The following DCT variants were observed in gnomAD, a reference collection of about 807,000 sequenced individuals.
The protein encoded by DCT is L-dopachrome tautomerase.
In DCT, 47 loss-of-function variants were observed where a neutral mutation model predicts 53.0. The observed-to-expected ratio is 0.89, with a 90% CI of 0.70 to 1.13. DCT has a LOEUF of 1.13. Ranked by LOEUF, DCT falls within the 50% of genes most tolerant of loss-of-function variation. DCT has a pLI of 0.00. For missense variants in DCT, 669 were observed against 637.4 expected, an observed-to-expected ratio of 1.05 and a Z score of -0.53; for synonymous variants, 244 against 237.0, an observed-to-expected ratio of 1.03 and a Z score of -0.27.
At chr13:94,445,146 A>C (rs1882635504) in intron 6 of DCT, among the ~76,000 whole-genome samples, 1 of 152,220 alleles carries the variant, frequency 6.6e-6, no homozygotes, top group African/African-American at 2.4e-5. Context: ...ATATTTTCCA[A>C]AGAAGGCCAC....
chr13:94,445,970 T>A (rs1882701063), intron 6 of DCT, among the ~76,000 whole-genome samples: 2 of 152,164 alleles, frequency 1.3e-5, no homozygotes, highest in African/African-American at 4.8e-5. Context: ...TGGCCCCCTC[T>A]GGGTTCCAGG....
chr13:94,507,741 C>T, the DCT span, among the ~76,000 whole-genome samples: 9 of 152,236 alleles, frequency 5.9e-5, no homozygotes, highest in Admixed American at 3.3e-4. Flanking sequence ...ACCTCGTGAT[C>T]CACCTGCCTC....
chr13:94,547,993 A>ATATATATATATATC, the DCT span, among the ~76,000 whole-genome samples: 1 of 138,060 alleles, frequency 7.2e-6, no homozygotes, highest in African/African-American at 2.8e-5. Flanking sequence ...AAATATATAT[A>ATATATATATATATC]TATATATATA....
Position 94,439,865 on chromosome 13 carries a change from C to T in DCT, c.*33G>A, listed in dbSNP as rs1882152185. On this transcript the variant is annotated 3_prime_UTR_variant, in exon 8 of 8. Coordinates refer to ENST00000377028, the MANE Select transcript of DCT (RefSeq NM_001922.5). ...TGTCAGCGTCAGAACTGTGGCTTGG[C>T]CAGCCTCTTCTCTTAGGTAAGGCAT... 6.4e-7 allele frequency: 1 copy of T among 1,568,014 alleles called. No homozygotes were observed.
chr13:94,456,529 T>G (rs889012694), intron 6 of DCT, among the ~76,000 whole-genome samples: 1 of 152,224 alleles, frequency 6.6e-6, no homozygotes, highest in Non-Finnish European at 1.5e-5. Flanking sequence ...TAATTAAGGT[T>G]TGAAAATCTA....
the DCT span, among the ~76,000 whole-genome samples, chr13:94,531,220 G>A: frequency 6.6e-6 from 1 of 152,164 alleles, no homozygotes; most frequent in Non-Finnish European, 1.5e-5. Flanking sequence ...ATTGCCCAAG[G>A]TAATTTATAG....
intron 4 of DCT, among the ~76,000 whole-genome samples, chr13:94,462,851 T>C (rs1883903916): frequency 6.6e-6 from 1 of 152,238 alleles, no homozygotes; most frequent in Non-Finnish European, 1.5e-5. Context: ...CGTATTATGC[T>C]GAGCTAAGCC....
At chr13:94,498,075 C>T in the DCT span, among the ~76,000 whole-genome samples, 2 of 152,218 alleles carry the variant, frequency 1.3e-5, no homozygotes, top group South Asian at 4.1e-4. Flanking sequence ...AACAGCCAGA[C>T]AGAATCCTAA....
At chr13:94,518,142 GA>G in the DCT span, among the ~76,000 whole-genome samples, 1 of 144,654 alleles carries the variant, frequency 6.9e-6, no homozygotes, top group South Asian at 2.2e-4. Context: ...AGGAAGGAAG[GA>G]AGGAAGGAAG....
chr13:94,447,918 T>C (rs1882835051), intron 6 of DCT, among the ~76,000 whole-genome samples: 1 of 152,120 alleles, frequency 6.6e-6, no homozygotes, highest in South Asian at 2.1e-4. Flanking sequence ...GGAATTGAAA[T>C]TGTAGCTCTC....
chr13:94,459,611 C>T (rs914369133), intron 6 of DCT, among the ~76,000 whole-genome samples: 2 of 152,160 alleles, frequency 1.3e-5, no homozygotes, highest in Non-Finnish European at 2.9e-5. Context: ...ACCAGGCCAG[C>T]TCTTGGATGT....
At chr13:94,535,376 T>C in the DCT span, among the ~76,000 whole-genome samples, 1 of 152,180 alleles carries the variant, frequency 6.6e-6, no homozygotes, top group African/African-American at 2.4e-5. Flanking sequence ...ATTATTGCTG[T>C]AAGTATCAGG....
intron 1 of DCT, among the ~76,000 whole-genome samples, chr13:94,477,148 T>G (rs1885141908): frequency 6.6e-6 from 1 of 152,098 alleles, no homozygotes; most frequent in Non-Finnish European, 1.5e-5. Context: ...CAGGCTGGAG[T>G]GCAGTGGTGT....
upstream of DCT, among the ~76,000 whole-genome samples, chr13:94,481,260 CCAGA>C (rs764516119): frequency 1.3e-5 from 2 of 152,168 alleles, no homozygotes; most frequent in Non-Finnish European, 2.9e-5. Flanking sequence ...ACTCTTTTTT[CCAGA>C]CAAAGTCACA....
chr13:94,530,153 A>G, the DCT span, among the ~76,000 whole-genome samples: 2 of 152,198 alleles, frequency 1.3e-5, no homozygotes, highest in Non-Finnish European at 2.9e-5. Flanking sequence ...TTAATAGCTT[A>G]CCAACCAAAA....
chr13:94,493,428 A>T, the DCT span, among the ~76,000 whole-genome samples: 2 of 152,192 alleles, frequency 1.3e-5, no homozygotes, highest in African/African-American at 4.8e-5. Context: ...GGCTGTGAGA[A>T]AGGAATTCCC....
chr13:94,547,979 A>AT, the DCT span, among the ~76,000 whole-genome samples: 398 of 115,178 alleles, frequency 3.5e-3, 1 homozygote, highest in Non-Finnish European at 5.0e-3. Context: ...AAAAAAAAAA[A>AT]AAAAAATATA....
At chr13:94,440,194 T>C in intron 7 of DCT, 118 bp from the exon 8 acceptor site, 1 of 700,172 alleles carries the variant, frequency 1.4e-6, no homozygotes, top group South Asian at 2.0e-5. Flanking sequence ...GCAAAACTAC[T>C]CATGCTAGAC....
chr13:94,541,602 T>C, the DCT span, among the ~76,000 whole-genome samples: 458 of 152,354 alleles, frequency 3.0e-3, 1 homozygote, highest in African/African-American at 0.011. Context: ...AAAGTAACTG[T>C]GGTTTTTGCA....
Sources: allele counts gnomAD v4.1 joint callset (sites outside exome capture counted in the v4.1 genomes callset), GRCh38; gene constraint gnomAD v4.1.1; transcripts MANE v1.5; gene names NCBI Gene and HGNC (gene_info 2026-07-23, HGNC 2026-07-21).